FSHR: variants seen among roughly 807,000 people sequenced by gnomAD.
FSHR encodes follicle stimulating hormone receptor, also known as follicle-stimulating hormone receptor.
In FSHR, 46 loss-of-function variants were observed where a neutral mutation model predicts 52.1. The observed-to-expected ratio is 0.88, with a 90% CI of 0.70 to 1.13. FSHR has a LOEUF of 1.13. Among genes scored for constraint, FSHR ranks in the 50% most tolerant of loss-of-function variants. The probability of loss-of-function intolerance (pLI) is 0.00; values close to 1 mark genes in which losing one functional copy is unlikely to be tolerated. For missense variants in FSHR, 964 were observed against 834.6 expected, an observed-to-expected ratio of 1.16 and a Z score of -1.91; for synonymous variants, 399 against 309.6, an observed-to-expected ratio of 1.29 and a Z score of -3.03.
chr2:49,083,440 T>C lies in FSHR; in HGVS notation c.153-15150A>G, dbSNP rs13030560. On this transcript the variant is annotated intron_variant, in intron 1 of 9. Coordinates refer to ENST00000406846, the MANE Select transcript of FSHR (RefSeq NM_000145.4). ...ACTAGGAAGAAACTGCATCAACTGA[T>C]GAGCAAAATAACCAGCTAACATCAT... is the stretch of plus-strand genomic sequence containing the variant. 2.7e-5 allele frequency among the ~76,000 whole-genome samples: 4 copies of C among 148,462 alleles called. No homozygotes were observed. The East Asian group carries it at 8.0e-4, about 30-fold the overall frequency.
intron 1 of FSHR, among the ~76,000 whole-genome samples, chr2:49,093,416 C>T (rs1670688765): frequency 6.6e-6 from 1 of 151,872 alleles, no homozygotes; most frequent in African/African-American, 2.4e-5. Context: ...TCTTCTTGAC[C>T]TTTTTGTCAT....
intron 9 of FSHR, among the ~76,000 whole-genome samples, chr2:48,965,157 TG>T (rs1674417728): frequency 6.6e-6 from 1 of 151,946 alleles, no homozygotes; most frequent in Non-Finnish European, 1.5e-5. Flanking sequence ...AGGAAAAAGG[TG>T]GCTAGGGGAG....
chr2:49,146,865 A>T (rs1317982552), intron 1 of FSHR, among the ~76,000 whole-genome samples: 1 of 152,006 alleles, frequency 6.6e-6, no homozygotes, highest in African/African-American at 2.4e-5. Flanking sequence ...GTTTTCATCA[A>T]GCTTGCCATT....
At chr2:49,081,028 A>T (rs564885517) in intron 1 of FSHR, among the ~76,000 whole-genome samples, 1 of 152,090 alleles carries the variant, frequency 6.6e-6, no homozygotes, top group African/African-American at 2.4e-5. Context: ...GAAAGACAAT[A>T]AGAGTTTTAT....
intron 4 of FSHR, among the ~76,000 whole-genome samples, chr2:49,008,760 C>T (rs1299084405): frequency 2.1e-5 from 3 of 144,746 alleles, no homozygotes; most frequent in African/African-American, 7.7e-5. Flanking sequence ...TTTTGATTTG[C>T]ATTTCTCTGA....
chr2:48,988,916 A>G (rs929895540), intron 6 of FSHR, 61 bp downstream of exon 6: 10 of 1,403,418 alleles, frequency 7.1e-6, no homozygotes, highest in African/African-American at 1.4e-5. Flanking sequence ...CAATTATGAG[A>G]AAGAGATCAC....
chr2:49,066,881 A>C (rs1244519479), intron 2 of FSHR, among the ~76,000 whole-genome samples: 1 of 152,084 alleles, frequency 6.6e-6, no homozygotes, highest in East Asian at 1.9e-4. Context: ...CATTTAGTCT[A>C]TGTTAGCTCC....
At chr2:49,088,555 T>C (rs1488142491) in intron 1 of FSHR, among the ~76,000 whole-genome samples, 1 of 152,208 alleles carries the variant, frequency 6.6e-6, no homozygotes, top group Non-Finnish European at 1.5e-5. Flanking sequence ...CTTTAATGAT[T>C]CACTGTAGTT....
At chr2:49,073,464 A>G (rs972767416) in intron 1 of FSHR, among the ~76,000 whole-genome samples, 2 of 152,044 alleles carry the variant, frequency 1.3e-5, no homozygotes, top group Non-Finnish European at 2.9e-5. Flanking sequence ...AATAGCTACA[A>G]AAAAATACCC....
chr2:49,075,544 C>T (rs1669919072), intron 1 of FSHR, among the ~76,000 whole-genome samples: 1 of 152,090 alleles, frequency 6.6e-6, no homozygotes, highest in South Asian at 2.1e-4. Context: ...AGAAAAAAAG[C>T]ACCCAAACAA....
Position 48,989,032 on chromosome 2 carries a change from T to C in FSHR, c.469A>G (p.Ile157Val), listed in dbSNP as rs752557607. 7.4e-6 allele frequency: 12 copies of C among 1,613,758 alleles called. No individual in the cohort carries two copies. The highest frequency in any genetic ancestry group is 1.7e-5 in the Admixed American group (1 of 60,010). The change falls in exon 6 of 10, where the codon ATC becomes GTC. Residue 157 changes from isoleucine to valine, a missense_variant. By Grantham distance (29) the Ile-to-Val change is conservative. Transcript: ENST00000406846. ...AAAGAATTTCTTTCAATTGTGTGGA[T>C]GTTTATGTTATCTTGAATGTCACTA... ...VLLDIQDNINIHTIERNSFVG... is the reference protein window; with the variant it reads ...VLLDIQDNINVHTIERNSFVG...
At chr2:49,137,526 A>G (rs982150654) in intron 1 of FSHR, among the ~76,000 whole-genome samples, 1 of 152,104 alleles carries the variant, frequency 6.6e-6, no homozygotes, top group South Asian at 2.1e-4. Flanking sequence ...GAGACTCTAA[A>G]TAGCTACCAT....
At chr2:48,972,509 T>C (rs1237856381) in intron 8 of FSHR, among the ~76,000 whole-genome samples, 1 of 152,244 alleles carries the variant, frequency 6.6e-6, no homozygotes, top group Admixed American at 6.5e-5. Context: ...TCCAACTTTT[T>C]TCTTTGCTAC....
intron 2 of FSHR, among the ~76,000 whole-genome samples, chr2:49,045,436 T>A (rs1284422327): frequency 6.6e-6 from 1 of 152,232 alleles, no homozygotes; most frequent in Non-Finnish European, 1.5e-5. Context: ...ACTCATGAAA[T>A]GCTCATTGAA....
At chr2:49,082,436 C>G (rs1048035036) in intron 1 of FSHR, among the ~76,000 whole-genome samples, 1 of 152,062 alleles carries the variant, frequency 6.6e-6, no homozygotes. Context: ...AAAAGCAGAG[C>G]GACTCTCCTC....
intron 1 of FSHR, among the ~76,000 whole-genome samples, chr2:49,153,111 A>G (rs2103866772): frequency 6.6e-6 from 1 of 152,342 alleles, no homozygotes; most frequent in African/African-American, 2.4e-5. Context: ...AACAGAATCA[A>G]TCAGGTCTGC....
intron 2 of FSHR, among the ~76,000 whole-genome samples, chr2:49,035,717 G>A (rs968601330): frequency 2.0e-5 from 3 of 152,232 alleles, no homozygotes; most frequent in African/African-American, 4.8e-5. Context: ...GCCTCAAGAA[G>A]GTGACTGGTC....
At chr2:49,007,922 T>A (rs1201963569) in intron 4 of FSHR, among the ~76,000 whole-genome samples, 1 of 152,100 alleles carries the variant, frequency 6.6e-6, no homozygotes, top group Non-Finnish European at 1.5e-5. Flanking sequence ...TACAAAGAGA[T>A]GAAGTCTCTT....
At chr2:49,021,863 C>CTCTCTATA (rs1467766420) in intron 2 of FSHR, among the ~76,000 whole-genome samples, 5 of 49,860 alleles carry the variant, frequency 1.0e-4, no homozygotes, top group Admixed American at 4.6e-4. Flanking sequence ...CTCTCTCTCT[C>CTCTCTATA]TATATATATA....
Sources: allele counts gnomAD v4.1 joint callset (sites outside exome capture counted in the v4.1 genomes callset), GRCh38; gene constraint gnomAD v4.1.1; transcripts MANE v1.5; gene names NCBI Gene and HGNC (gene_info 2026-07-23, HGNC 2026-07-21).